Variants in CDH13 observed in about 807,000 individuals in gnomAD.
The protein encoded by CDH13 is cadherin-13.
Under a neutral mutation model 63.8 loss-of-function variants are expected in CDH13, and 24 were observed. The observed-to-expected ratio is 0.38, with a 90% CI of 0.27 to 0.53. The LOEUF (loss-of-function observed/expected upper bound fraction) is 0.53, where lower values mean the gene tolerates loss of function less well. Ranked by LOEUF, CDH13 falls within the 20% of genes least tolerant of loss-of-function variation. The pLI, the probability that CDH13 is intolerant of heterozygous loss-of-function variation, is 0.85. For missense variants in CDH13, 1,049 were observed against 903.1 expected (o/e 1.16, Z -2.07); for synonymous variants, 503 against 355.3 (o/e 1.42, Z -4.67).
At chr16:83,167,763 T>C (rs917697779) in intron 4 of CDH13, among the ~76,000 whole-genome samples, 10 of 151,832 alleles carry the variant, frequency 6.6e-5, no homozygotes, top group Non-Finnish European at 1.3e-4. Context: ...ATAGTTCAAC[T>C]GGATAGACAT....
chr16:83,154,179 C>CG (rs2037109680), intron 4 of CDH13, among the ~76,000 whole-genome samples: 1 of 152,028 alleles, frequency 6.6e-6, no homozygotes. Context: ...TGCCATGACA[C>CG]GAGCTTATCC....
At chr16:82,985,414 C>T (rs183028591) in intron 2 of CDH13, among the ~76,000 whole-genome samples, 10 of 152,242 alleles carry the variant, frequency 6.6e-5, no homozygotes, top group Admixed American at 4.6e-4. Context: ...AAAGTACCAT[C>T]GAATGTAGAA....
chr16:82,628,823 C>G (rs1169465364), intron 1 of CDH13, among the ~76,000 whole-genome samples: 1 of 152,232 alleles, frequency 6.6e-6, no homozygotes, highest in Non-Finnish European at 1.5e-5. Context: ...AGGATTCAGA[C>G]AGATCCTTCC....
intron 2 of CDH13, among the ~76,000 whole-genome samples, chr16:82,865,754 CT>C (rs1358202568): frequency 6.6e-6 from 1 of 152,190 alleles, no homozygotes; most frequent in African/African-American, 2.4e-5. Context: ...CATTTGGCTC[CT>C]TTTTATTTCT....
intron 6 of CDH13, among the ~76,000 whole-genome samples, chr16:83,357,991 C>T (rs571043371): frequency 1.3e-5 from 2 of 152,086 alleles, no homozygotes; most frequent in East Asian, 3.9e-4. Flanking sequence ...AGGCTAGAGG[C>T]GGATGCTATG....
intron 4 of CDH13, among the ~76,000 whole-genome samples, chr16:83,154,090 C>G (rs141027877): frequency 5.9e-5 from 9 of 152,194 alleles, no homozygotes; most frequent in African/African-American, 2.2e-4. Flanking sequence ...CAGCCTGTGG[C>G]GTGTGAGTCA....
chr16:83,664,584 T>A (rs1913759745), intron 8 of CDH13, among the ~76,000 whole-genome samples: 4 of 151,356 alleles, frequency 2.6e-5, no homozygotes, highest in Admixed American at 2.6e-4. Context: ...CACACAAACA[T>A]GATGTGGAGG....
rs112122090 is a variant in CDH13 at position 83,678,312 on chromosome 16, C to T, written c.1389C>T (p.Thr463=). The change falls in exon 10 of 14, where the codon ACC becomes ACT. Residue 463 remains threonine, a synonymous_variant. Transcript: ENST00000567109. Reference sequence around the variant, plus strand: ...CCTACGGCCCCAGCTCCACAGCCACCGTCCACATCACTGTCCTGGATGTCA... The same window carrying T: ...CCTACGGCCCCAGCTCCACAGCCACTGTCCACATCACTGTCCTGGATGTCA... ...DVSYGPSSTA[T]VHITVLDVNE... The T allele has an allele frequency of 2.8e-5, 45 of 1,613,878 alleles. No homozygotes were observed. The highest frequency in any genetic ancestry group is 9.3e-5 in the African/African-American group (7 of 74,906).
chr16:83,000,236 T>A (rs1912739616), intron 2 of CDH13, among the ~76,000 whole-genome samples: 3 of 86,384 alleles, frequency 3.5e-5, no homozygotes, highest in African/African-American at 1.5e-4. Flanking sequence ...TTTTTTTTTT[T>A]TTTTTTTTTT....
At chr16:82,669,028 A>G (rs1912933513) in intron 1 of CDH13, among the ~76,000 whole-genome samples, 1 of 152,192 alleles carries the variant, frequency 6.6e-6, no homozygotes, top group South Asian at 2.1e-4. Flanking sequence ...ATTGCCATCC[A>G]CATCCGAGGG....
chr16:82,948,340 TA>T (rs1904953244), intron 2 of CDH13, among the ~76,000 whole-genome samples: 1 of 152,168 alleles, frequency 6.6e-6, no homozygotes, highest in South Asian at 2.1e-4. Context: ...AATCTCAGTC[TA>T]AAAATATTAG....
rs1020922042 is a variant in CDH13 at position 83,032,132 on chromosome 16, C to G, written c.280C>G (p.Leu94Val). 4 of 1,613,520 alleles carry G rather than the reference C, an allele frequency of 2.5e-6. No homozygotes were observed. The African/African-American group carries it at 4.0e-5, about 16-fold the overall frequency. ...LRNITAVGKT[L>V]FVHARTPHAE... Reference sequence around the variant, plus strand: ...AAACATAACTGCAGTGGGCAAAACTCTGTTCGTCCATGCACGGACCCCCCA... The same window carrying G: ...AAACATAACTGCAGTGGGCAAAACTGTGTTCGTCCATGCACGGACCCCCCA... Residue 94 changes from leucine (L) to valine (V), a missense_variant, in exon 3 of 14, where the codon CTG becomes GTG. Transcript: ENST00000567109.
chr16:83,575,147 A>T (rs1904991297), intron 7 of CDH13, among the ~76,000 whole-genome samples: 1 of 152,176 alleles, frequency 6.6e-6, no homozygotes, highest in Non-Finnish European at 1.5e-5. Flanking sequence ...GCAGCCATGG[A>T]AAATGAAGGC....
At chr16:83,321,470 C>T (rs895072367) in intron 5 of CDH13, among the ~76,000 whole-genome samples, 13 of 151,308 alleles carry the variant, frequency 8.6e-5, no homozygotes, top group Middle Eastern at 3.4e-3. Context: ...TTAAAGACAA[C>T]GACTAGGCTG....
chr16:82,820,566 G>T (rs2037956503), intron 1 of CDH13, among the ~76,000 whole-genome samples: 1 of 152,174 alleles, frequency 6.6e-6, no homozygotes, highest in Non-Finnish European at 1.5e-5. Context: ...TTAGAGCCCA[G>T]GCTATGGAAA....
intron 3 of CDH13, among the ~76,000 whole-genome samples, chr16:83,039,922 A>G (rs939126426): frequency 2.0e-5 from 3 of 152,014 alleles, no homozygotes; most frequent in Non-Finnish European, 4.4e-5. Context: ...TTCTTTGGGA[A>G]CAGCTCTCTG....
intron 10 of CDH13, among the ~76,000 whole-genome samples, chr16:83,747,738 A>C (rs1912723202): frequency 1.4e-5 from 2 of 146,610 alleles, no homozygotes; most frequent in African/African-American, 2.5e-5. Flanking sequence ...TCACAACAGC[A>C]CTTCTCCCAC....
chr16:83,531,292 A>G (rs2075077267), intron 7 of CDH13, among the ~76,000 whole-genome samples: 1 of 152,208 alleles, frequency 6.6e-6, no homozygotes, highest in Middle Eastern at 3.2e-3. Context: ...TTCTCCTGGT[A>G]GAGCCTGGCA....
chr16:82,985,579 G>A (rs1012072289), intron 2 of CDH13, among the ~76,000 whole-genome samples: 2 of 152,250 alleles, frequency 1.3e-5, no homozygotes, highest in African/African-American at 2.4e-5. Flanking sequence ...TCAGATGTGG[G>A]TTTAAGATCA....
Sources: allele counts gnomAD v4.1 joint callset (sites outside exome capture counted in the v4.1 genomes callset), GRCh38; gene constraint gnomAD v4.1.1; transcripts MANE v1.5; gene names NCBI Gene and HGNC (gene_info 2026-07-23, HGNC 2026-07-21).